SLC24A2: variants seen among roughly 807,000 people sequenced by gnomAD.
SLC24A2 encodes the protein sodium/potassium/calcium exchanger 2.
Under a neutral mutation model 62.0 loss-of-function variants are expected in SLC24A2, and 36 were observed. The observed-to-expected ratio is 0.58, with a 90% CI of 0.44 to 0.77. The LOEUF is 0.77. Among genes scored for constraint, SLC24A2 ranks in the 30% least tolerant of loss-of-function variants. SLC24A2 has a pLI of 0.00. For synonymous variants in SLC24A2, 358 were observed against 294.0 expected (o/e 1.22, Z -2.23); for missense variants, 846 against 817.9 (o/e 1.03, Z -0.42).
intron 2 of SLC24A2, among the ~76,000 whole-genome samples, chr9:19,642,921 C>T (rs981177544): frequency 6.7e-6 from 1 of 149,408 alleles, no homozygotes; most frequent in African/African-American, 2.5e-5. Flanking sequence ...ACCTCGTGAT[C>T]TGCCCGCCTT....
At chr9:20,070,031 A>T in the SLC24A2 span, among the ~76,000 whole-genome samples, 1 of 152,186 alleles carries the variant, frequency 6.6e-6, no homozygotes, top group African/African-American at 2.4e-5. Flanking sequence ...ATTCCAGGAA[A>T]ATCTTTGACT....
intron 2 of SLC24A2, among the ~76,000 whole-genome samples, chr9:19,704,965 C>T (rs541172820): frequency 1.6e-4 from 24 of 152,240 alleles, no homozygotes; most frequent in Admixed American, 1.5e-3. Context: ...CCAGCAATGT[C>T]ACTTAGAAGT....
At chr9:19,776,554 T>C (rs759458557) in intron 2 of SLC24A2, among the ~76,000 whole-genome samples, 9 of 152,180 alleles carry the variant, frequency 5.9e-5, no homozygotes, top group Non-Finnish European at 1.0e-4. Flanking sequence ...AAGCCACAAA[T>C]GCTGAGGCGG....
chr9:19,979,314 A>G, the SLC24A2 span, among the ~76,000 whole-genome samples: 2 of 152,154 alleles, frequency 1.3e-5, no homozygotes, highest in African/African-American at 4.8e-5. Flanking sequence ...TTTCCAGGTG[A>G]TGCCAATGCC....
the SLC24A2 span, among the ~76,000 whole-genome samples, chr9:20,199,613 A>G: frequency 6.6e-6 from 1 of 152,342 alleles, no homozygotes; most frequent in Non-Finnish European, 1.5e-5. Context: ...GAATAAAGAA[A>G]AAAGGAGAAA....
the SLC24A2 span, among the ~76,000 whole-genome samples, chr9:20,278,680 T>C: frequency 6.6e-6 from 1 of 152,212 alleles, no homozygotes; most frequent in East Asian, 1.9e-4. Flanking sequence ...TCCCACATCG[T>C]CCTGTCTTCG....
the SLC24A2 span, among the ~76,000 whole-genome samples, chr9:20,281,206 A>T: frequency 6.6e-6 from 1 of 152,232 alleles, no homozygotes; most frequent in South Asian, 2.1e-4. Context: ...CTGGGAATAC[A>T]GGCGTGAACC....
the SLC24A2 span, among the ~76,000 whole-genome samples, chr9:20,178,341 C>G: frequency 6.6e-6 from 1 of 152,130 alleles, no homozygotes; most frequent in Non-Finnish European, 1.5e-5. Context: ...CTGCTGTCTG[C>G]CTCCCCAGTG....
chr9:19,837,854 C>T, the SLC24A2 span, among the ~76,000 whole-genome samples: 1 of 151,972 alleles, frequency 6.6e-6, no homozygotes, highest in African/African-American at 2.4e-5. Flanking sequence ...AGGAATCCAA[C>T]TTACAAGGGA....
At chr9:20,065,923 C>G in the SLC24A2 span, among the ~76,000 whole-genome samples, 1 of 152,176 alleles carries the variant, frequency 6.6e-6, no homozygotes, top group East Asian at 1.9e-4. Context: ...TCCCCAAGGG[C>G]TGGAAGGATA....
chr9:19,695,133 G>T (rs897777776), intron 2 of SLC24A2, among the ~76,000 whole-genome samples: 7 of 152,098 alleles, frequency 4.6e-5, no homozygotes, highest in African/African-American at 1.7e-4. Flanking sequence ...AACTGGAGGG[G>T]CATGGTGCTA....
the SLC24A2 span, among the ~76,000 whole-genome samples, chr9:20,088,499 C>A: frequency 6.6e-6 from 1 of 152,174 alleles, no homozygotes; most frequent in African/African-American, 2.4e-5. Context: ...AATTTCCCGG[C>A]CTAGGTCTAC....
At chr9:19,527,443 G>T (rs891245717) in intron 9 of SLC24A2, among the ~76,000 whole-genome samples, 2 of 152,170 alleles carry the variant, frequency 1.3e-5, no homozygotes, top group African/African-American at 4.8e-5. Context: ...GAATTGTTGG[G>T]TGTGTAGGAC....
At chr9:19,850,425 C>T in the SLC24A2 span, among the ~76,000 whole-genome samples, 1 of 152,046 alleles carries the variant, frequency 6.6e-6, no homozygotes, top group Non-Finnish European at 1.5e-5. Context: ...ATGAGCAATG[C>T]TATCTCCTCA....
chr9:19,829,441 T>C, the SLC24A2 span, among the ~76,000 whole-genome samples: 1 of 152,266 alleles, frequency 6.6e-6, no homozygotes, highest in East Asian at 1.9e-4. Flanking sequence ...CAATGAATGA[T>C]TTGAAAGGCA....
chr9:20,110,642 T>A, the SLC24A2 span, among the ~76,000 whole-genome samples: 1 of 152,162 alleles, frequency 6.6e-6, no homozygotes, highest in African/African-American at 2.4e-5. Context: ...TACCTATTGT[T>A]ACTAGATCTT....
chr9:20,233,701 T>C, the SLC24A2 span, among the ~76,000 whole-genome samples: 1 of 152,250 alleles, frequency 6.6e-6, no homozygotes. Flanking sequence ...CTGTGTCTTT[T>C]AATTGAAGCA....
intron 2 of SLC24A2, among the ~76,000 whole-genome samples, chr9:19,771,473 T>C (rs571217801): frequency 2.6e-5 from 4 of 152,262 alleles, no homozygotes; most frequent in Admixed American, 1.3e-4. Context: ...CAGCAGAAAA[T>C]AGTAGATTTG....
the SLC24A2 span, among the ~76,000 whole-genome samples, chr9:20,261,731 A>ATT: frequency 3.4e-5 from 3 of 89,474 alleles, no homozygotes; most frequent in Admixed American, 1.3e-4. Context: ...AAAACACCAA[A>ATT]TCTTTTTTTT....
Sources: gnomAD v4.1 joint callset for allele counts (sites outside exome capture counted in the v4.1 genomes callset) on GRCh38, gnomAD v4.1.1 for gene constraint, MANE v1.5 for transcripts, NCBI Gene and HGNC (gene_info 2026-07-23, HGNC 2026-07-21) for gene names.